Variants in MTMR6 observed in about 807,000 individuals in gnomAD.
MTMR6 encodes phosphatidylinositol-3,5-bisphosphate 3-phosphatase MTMR6.
A neutral mutation model predicts 80.1 loss-of-function variants in MTMR6; 47 were observed. The ratio of observed to expected loss-of-function variants is 0.59; its 90% CI spans 0.46 to 0.75. MTMR6 has a LOEUF of 0.75. Ranked by LOEUF, MTMR6 falls within the 30% of genes least tolerant of loss-of-function variation. MTMR6 has a pLI of 0.00. For missense variants in MTMR6, 629 were observed against 730.9 expected, an observed-to-expected ratio of 0.86 and a Z score of 1.61; for synonymous variants, 254 against 253.0, an observed-to-expected ratio of 1.00 and a Z score of -0.04.
intron 2 of MTMR6, among the ~76,000 whole-genome samples, chr13:25,273,568 C>G (rs935081420): frequency 8.0e-5 from 12 of 150,300 alleles, no homozygotes; most frequent in African/African-American, 2.7e-4. Flanking sequence ...CACTGTCACC[C>G]AGGCTGGAGT....
At chr13:25,271,575 T>G (rs1376254674) in intron 2 of MTMR6, among the ~76,000 whole-genome samples, 1 of 152,228 alleles carries the variant, frequency 6.6e-6, no homozygotes, top group Non-Finnish European at 1.5e-5. Context: ...CACAGAAACA[T>G]GCCCAAGTCT....
At chr13:25,281,492 TCA>T (rs1446565860) in intron 1 of MTMR6, among the ~76,000 whole-genome samples, 1 of 151,336 alleles carries the variant, frequency 6.6e-6, no homozygotes, top group Non-Finnish European at 1.5e-5. Context: ...ACAAACAGAA[TCA>T]CATTCAGAAA....
At position 25,249,458 on chromosome 13, in the gene MTMR6, C is replaced by A. The variant is rs778518214; in HGVS notation, c.1640G>T (p.Gly547Val). 15 of 1,613,682 alleles carry A rather than the reference C, an allele frequency of 9.3e-6. No homozygotes were observed. In the South Asian group the frequency reaches 1.5e-4, roughly 17 times the overall value. The stretch of plus-strand genomic sequence containing the variant: ...ATGTAACAATTCCTTGGTGAGGATG[C>A]CATCTGTTTGCTTATTTTTGCGTTG... The part of the protein sequence containing the change: ...IKQRKNKQTD[G>V]ILTKELLHSV... The change falls in exon 14 of 14, where the codon GGC (glycine) becomes GTC (valine). Residue 547 changes from glycine to valine, a missense_variant. Transcript: ENST00000381801.
intron 11 of MTMR6, 120 bp downstream of exon 11, chr13:25,253,641 AAAT>A (rs2137524458): frequency 1.1e-6 from 1 of 889,874 alleles, no homozygotes; most frequent in Non-Finnish European, 1.7e-6. Context: ...GAAATACAAA[AAAT>A]AAAATCTTTA....
At chr13:25,287,087 C>G in intron 1 of MTMR6, 137 bp downstream of exon 1, 1 of 1,307,088 alleles carries the variant, frequency 7.7e-7, no homozygotes. Flanking sequence ...CAGGCCTGGC[C>G]AGACCCTCCC....
At chr13:25,273,988 T>G in intron 2 of MTMR6, 83 bp downstream of exon 2, 1 of 967,448 alleles carries the variant, frequency 1.0e-6, no homozygotes, top group East Asian at 2.6e-5. Flanking sequence ...GATTAAAAAT[T>G]GTGTTATACA....
chr13:25,257,351 GTACTT>G, intron 8 of MTMR6, 30 bp from the exon 9 acceptor site: 1 of 1,607,168 alleles, frequency 6.2e-7, no homozygotes, highest in East Asian at 2.2e-5. Flanking sequence ...ACATTCTAGC[GTACTT>G]TAAGGTAAAC....
intron 2 of MTMR6, among the ~76,000 whole-genome samples, chr13:25,273,668 G>C (rs1301917904): frequency 6.6e-6 from 1 of 151,796 alleles, no homozygotes; most frequent in Non-Finnish European, 1.5e-5. Context: ...TGGGATTACA[G>C]GCACCCATCG....
intron 9 of MTMR6, 94 bp downstream of exon 9, chr13:25,257,101 GT>G: frequency 1.5e-6 from 2 of 1,296,994 alleles, no homozygotes; most frequent in Non-Finnish European, 2.1e-6. Flanking sequence ...ATTTCCTTTA[GT>G]GCAAAACTGT....
Position 25,287,464 on chromosome 13 carries a change from CGG to C in MTMR6, c.-219_-218del. 1.6e-6 allele frequency: 1 copy of C among 607,634 alleles called. No individual in the cohort carries two copies. Among genetic ancestry groups the C allele is most frequent in the Non-Finnish European group, 2.9e-6 (1 of 340,222 alleles). The allele number at this position is 607,634 out of a possible 1,614,324, so 37.6% of individuals were successfully genotyped here. A position where few individuals can be genotyped will look rare whatever the true frequency, so the allele number is the denominator to read the frequency against. On this transcript the variant is annotated 5_prime_UTR_variant, in exon 1 of 14. Transcript: ENST00000381801. ...AAACCCCGCGGCCTCCCGGGGGACT[CGG>C]GGCAGGCAGACAGAGCGTGTGTGGA...
chr13:25,255,717 T>C (rs1383999675), intron 9 of MTMR6, among the ~76,000 whole-genome samples: 1 of 151,960 alleles, frequency 6.6e-6, no homozygotes, highest in Non-Finnish European at 1.5e-5. Flanking sequence ...AGAGACAGGG[T>C]TTCACCATAT....
intron 1 of MTMR6, among the ~76,000 whole-genome samples, chr13:25,281,341 G>A (rs896453317): frequency 2.6e-5 from 4 of 151,132 alleles, no homozygotes; most frequent in African/African-American, 9.8e-5. Context: ...TGTTGGAAAG[G>A]AAAGGAGAAA....
At position 25,249,222 on chromosome 13, in the gene MTMR6, C is replaced by A; in HGVS notation, c.*10G>T. 2 of 1,608,438 alleles carry A rather than the reference C, an allele frequency of 1.2e-6. No individual in the cohort carries two copies. Among genetic ancestry groups the A allele is most frequent in the African/African-American group, 1.3e-5 (1 of 74,878 alleles). On this transcript the variant is annotated 3_prime_UTR_variant, in exon 14 of 14. Coordinates refer to ENST00000381801, the MANE Select transcript of MTMR6 (RefSeq NM_004685.5). ...TGTACTGCAATCATTGCAGAAAAAA[C>A]TCTATGAGTCTAACAAGTCATTCTT...
At chr13:25,277,750 G>C (rs544471273) in intron 1 of MTMR6, among the ~76,000 whole-genome samples, 98 of 152,214 alleles carry the variant, frequency 6.4e-4, no homozygotes, top group African/African-American at 2.3e-3. Context: ...TCTGTGTGTA[G>C]TACATGTCTG....
chr13:25,261,573 A>G, intron 6 of MTMR6, 95 bp downstream of exon 6: 1 of 1,076,754 alleles, frequency 9.3e-7, no homozygotes, highest in Non-Finnish European at 1.3e-6. Context: ...ACTAGGATTC[A>G]GATATTTTAA....
At chr13:25,253,316 A>G (rs1957128104) in intron 11 of MTMR6, among the ~76,000 whole-genome samples, 2 of 152,248 alleles carry the variant, frequency 1.3e-5, no homozygotes, top group African/African-American at 4.8e-5. Context: ...ACAAACCAAC[A>G]GTTTAAAATA....
rs113858245 is a variant in MTMR6, at chr13:25,267,636, C to A, written c.304+143G>T. On this transcript the variant is annotated intron_variant, in intron 3 of 13. Transcript: ENST00000381801. ...TCAATAGTTTCTAATTACTTTCAGG[C>A]CAATATGGGGGAGATAGAGTACAAA... 632 of 724,940 alleles carry A rather than the reference C, an allele frequency of 8.7e-4. 2 individuals are homozygous for A. The African/African-American group carries it at 1.0e-2, about 11-fold the overall frequency. 44.9% of individuals were successfully genotyped at this position (724,940 alleles called of 1,614,324 possible). A position where few individuals can be genotyped will look rare whatever the true frequency, so the allele number is the denominator to read the frequency against.
chr13:25,278,248 T>C (rs894230029), intron 1 of MTMR6, among the ~76,000 whole-genome samples: 1 of 152,212 alleles, frequency 6.6e-6, no homozygotes, highest in African/African-American at 2.4e-5. Context: ...CCTCAGCTTA[T>C]CTATTTCTCC....
At chr13:25,272,697 T>C (rs1468718109) in intron 2 of MTMR6, among the ~76,000 whole-genome samples, 2 of 152,226 alleles carry the variant, frequency 1.3e-5, no homozygotes, top group East Asian at 3.8e-4. Flanking sequence ...GAACACGCAG[T>C]ATACGGTTTT....
Sources: allele counts gnomAD v4.1 joint callset (sites outside exome capture counted in the v4.1 genomes callset), GRCh38; gene constraint gnomAD v4.1.1; transcripts MANE v1.5; gene names NCBI Gene and HGNC (gene_info 2026-07-23, HGNC 2026-07-21).